The following SPPL2B variants were observed in gnomAD, a reference collection of about 807,000 sequenced individuals.
SPPL2B encodes signal peptide peptidase like 2B.
SPPL2B carries 39 observed loss-of-function variants against 59.7 expected under a neutral mutation model. The ratio of observed to expected loss-of-function variants is 0.65; its 90% confidence interval spans 0.51 to 0.85. SPPL2B has a LOEUF of 0.85. Among genes scored for constraint, SPPL2B ranks in the 40% least tolerant of loss-of-function variants. The probability of loss-of-function intolerance (pLI) is 0.00; values close to 1 mark genes in which losing one functional copy is unlikely to be tolerated. For synonymous variants in SPPL2B, 419 were observed against 370.8 expected (o/e 1.13, Z -1.49); for missense variants, 865 against 849.0 (o/e 1.02, Z -0.23).
At position 2,347,397 on chromosome 19, in the gene SPPL2B, C is replaced by A. The variant is rs1357932351; in HGVS notation, c.1354+2067C>A. On this transcript the variant is annotated intron_variant, in intron 13 of 14. Coordinates refer to ENST00000613503, the MANE Select transcript of SPPL2B (RefSeq NM_152988.3). ...ATTCGCCTGATTCCGTTCTCTCTCTCCACACACGCGCTCTCATTCGCCTGA... is the reference window on the plus strand; with the variant it reads ...ATTCGCCTGATTCCGTTCTCTCTCTACACACACGCGCTCTCATTCGCCTGA... Among the ~76,000 whole-genome samples the A allele has an allele frequency of 7.0e-3, 35 of 5,022 alleles. 6 individuals are homozygous for A. Among genetic ancestry groups the A allele is most frequent in the South Asian group, 0.025 (2 of 80 alleles). The allele number at this position is 5,022 out of a possible 152,430, so 3.3% of individuals were successfully genotyped here.
rs112548971 is a variant in SPPL2B, at chr19:2,329,064, C to T, written c.66+289C>T. ...CCCTCCATCCTCCGGTTCTGCTTCT[C>T]CGTTTCGGGGTCTCCAGTTGCCGCC... is the stretch of plus-strand genomic sequence containing the variant. On this transcript the variant is annotated intron_variant, in intron 1 of 14. Coordinates refer to ENST00000613503, the MANE Select transcript of SPPL2B (RefSeq NM_152988.3). Among the ~76,000 whole-genome samples the T allele has an allele frequency of 4.0e-3, 612 of 152,390 alleles. 7 individuals carry two copies. The highest frequency in any genetic ancestry group is 0.014 in the African/African-American group (578 of 41,596).
chr19:2,345,111 C>G (rs1443507050), intron 12 of SPPL2B, 142 bp from the exon 13 acceptor site: 6 of 643,900 alleles, frequency 9.3e-6, no homozygotes, highest in Admixed American at 2.6e-5. Flanking sequence ...GAGCGTGTGG[C>G]CTGTCTGTGA....
In SPPL2B at chr19:2,351,538, G is replaced by A. The variant is rs375529854; in HGVS notation, c.1459G>A (p.Ala487Thr). Residue 487 changes from alanine (A) to threonine (T), a missense_variant, in exon 14 of 15, where the codon GCT (alanine) becomes ACT (threonine). Transcript: ENST00000613503. ...GCCCTGCACGCTGGTGACGAGCTGC[G>A]CTGTGGCGCTCTGGCGCCGGGAGCT... The part of the protein sequence containing the change: ...LVPCTLVTSC[A>T]VALWRRELGV... 4.7e-5 allele frequency: 75 copies of A among 1,611,328 alleles called. 1 individual carries two copies. The highest frequency in any genetic ancestry group is 5.7e-5 in the Non-Finnish European group (67 of 1,179,448).
rs146113626 is a variant in SPPL2B at position 2,332,538 on chromosome 19, C to T, written c.67-2064C>T. 4.9e-4 allele frequency among the ~76,000 whole-genome samples: 74 copies of T among 152,344 alleles called. No individual in the cohort carries two copies. Among genetic ancestry groups the T allele is most frequent in the African/African-American group, 1.4e-3 (60 of 41,576 alleles). On this transcript the variant is annotated intron_variant, in intron 1 of 14. Transcript: ENST00000613503. The surrounding 1 kb of genome is among the most constrained non-coding windows in gnomAD (Gnocchi z 4.6). ...GGCTGCCATCCTGTTCCTGATGAGG[C>T]AAATGGCTGTGGCCTGTTTGTTTCC...
At position 2,352,959 on chromosome 19, in the gene SPPL2B, C is replaced by T; in HGVS notation, c.1529C>T (p.Pro510Leu). Residue 510 changes from proline to leucine, a missense_variant, in exon 15 of 15, where the codon CCA becomes CTA. Transcript: ENST00000613503. Reference protein sequence around the residue: ...TGSGFAKVLPPSPWAPAPADG... With the variant: ...TGSGFAKVLPLSPWAPAPADG... Reference sequence around the variant, plus strand: ...CTTCTCCTGTAGAAAGTCCTACCTCCATCTCCGTGGGCCCCAGCACCAGCC... The same window carrying T: ...CTTCTCCTGTAGAAAGTCCTACCTCTATCTCCGTGGGCCCCAGCACCAGCC... 2 of 1,612,146 alleles carry T rather than the reference C, an allele frequency of 1.2e-6. No homozygotes were observed. Among genetic ancestry groups the T allele is most frequent in the Non-Finnish European group, 8.5e-7 (1 of 1,179,694 alleles).
rs867089993 is a variant in SPPL2B at position 2,344,185 on chromosome 19, C to A, written c.1113+146C>A. 9 of 538,052 alleles carry A rather than the reference C, an allele frequency of 1.7e-5. No homozygotes were observed. In the Admixed American group the frequency reaches 2.3e-4, roughly 14 times the overall value. 33.3% of individuals were successfully genotyped at this position (538,052 alleles called of 1,614,324 possible). On this transcript the variant is annotated intron_variant, in intron 10 of 14. Coordinates refer to ENST00000613503, the MANE Select transcript of SPPL2B (RefSeq NM_152988.3). ...CCCCACACCGTGCTCCCCTGCCCCCCACCCCATCACCCCGCTCACCTCCAC... is the reference window on the plus strand; with the variant it reads ...CCCCACACCGTGCTCCCCTGCCCCCAACCCCATCACCCCGCTCACCTCCAC...
chr19:2,344,031 C>T lies in SPPL2B; in HGVS notation c.1105C>T (p.Leu369=), dbSNP rs1407570546. 2 of 1,547,708 alleles carry T rather than the reference C, an allele frequency of 1.3e-6. No homozygotes were observed. Among genetic ancestry groups the T allele is most frequent in the Non-Finnish European group, 1.7e-6 (2 of 1,146,366 alleles). The change falls in exon 10 of 15, where the codon CTG becomes TTG. Residue 369 remains leucine (L), a synonymous_variant. Coordinates refer to ENST00000613503, the MANE Select transcript of SPPL2B (RefSeq NM_152988.3). The part of the protein sequence containing the change: ...DIFFVFITPF[L]TKSGSSIMVE... ...CTTCTTCGTGTTCATCACGCCCTTCCTGACCAAGGTAGGCGACTGCCTGTC... is the reference window on the plus strand; with the variant it reads ...CTTCTTCGTGTTCATCACGCCCTTCTTGACCAAGGTAGGCGACTGCCTGTC...
In SPPL2B at chr19:2,352,936, T is replaced by G; in HGVS notation, c.1516-10T>G. 4 of 1,611,580 alleles carry G rather than the reference T, an allele frequency of 2.5e-6. No homozygotes were observed. The highest frequency in any genetic ancestry group is 3.4e-6 in the Non-Finnish European group (4 of 1,179,468). On this transcript the variant is annotated splice_polypyrimidine_tract_variant and intron_variant, in intron 14 of 14. Coordinates refer to ENST00000613503, the MANE Select transcript of SPPL2B (RefSeq NM_152988.3). Reference sequence around the variant, plus strand: ...GTCTCCGCCTCACCTCTGCCTCCCTTCTCCTGTAGAAAGTCCTACCTCCAT... The same window carrying G: ...GTCTCCGCCTCACCTCTGCCTCCCTGCTCCTGTAGAAAGTCCTACCTCCAT...
intron 1 of SPPL2B, among the ~76,000 whole-genome samples, chr19:2,331,014 G>A (rs1968260022): frequency 6.6e-6 from 1 of 152,200 alleles, no homozygotes; most frequent in Admixed American, 6.5e-5. Context: ...TTGCTCTCAG[G>A]GCAGGAGCCT....
chr19:2,348,258 T>A lies in SPPL2B; in HGVS notation c.1354+2928T>A, dbSNP rs867513419. On this transcript the variant is annotated intron_variant, in intron 13 of 14. Transcript: ENST00000613503. ...GATTCCGTTCTCTCTCCACACACACTCACGCACTCTTATTCGCCTGATTCC... is the reference window on the plus strand; with the variant it reads ...GATTCCGTTCTCTCTCCACACACACACACGCACTCTTATTCGCCTGATTCC... Among the ~76,000 whole-genome samples, 179 of 81,636 alleles carry A rather than the reference T, an allele frequency of 2.2e-3. 1 individual carries two copies. Among genetic ancestry groups the A allele is most frequent in the African/African-American group, 8.2e-3 (166 of 20,226 alleles). 53.6% of individuals were successfully genotyped at this position (81,636 alleles called of 152,430 possible).
intron 1 of SPPL2B, among the ~76,000 whole-genome samples, chr19:2,331,315 T>C (rs1968281127): frequency 6.6e-6 from 1 of 152,258 alleles, no homozygotes; most frequent in Admixed American, 6.5e-5. Flanking sequence ...TAGTAGTTTC[T>C]GAACCTGTGT....
intron 13 of SPPL2B, among the ~76,000 whole-genome samples, chr19:2,347,167 T>TCC (rs745836985): frequency 2.6e-4 from 38 of 145,880 alleles, no homozygotes; most frequent in African/African-American, 8.1e-4. Flanking sequence ...TTCCGTTCTC[T>TCC]CTCCACACAC....
At chr19:2,346,456 A>C (rs1969377184) in intron 13 of SPPL2B, among the ~76,000 whole-genome samples, 1 of 152,232 alleles carries the variant, frequency 6.6e-6, no homozygotes, top group East Asian at 1.9e-4. Context: ...GCTTGAGTCC[A>C]GGAGTTCAAG....
chr19:2,343,672 G>A (rs1231146027), intron 9 of SPPL2B, among the ~76,000 whole-genome samples: 1 of 152,144 alleles, frequency 6.6e-6, no homozygotes, highest in Non-Finnish European at 1.5e-5. Context: ...GCATTTGAAT[G>A]CCCAGGATGG....
At chr19:2,349,604 TTC>T (rs199822587) in intron 13 of SPPL2B, among the ~76,000 whole-genome samples, 15 of 12,672 alleles carry the variant, frequency 1.2e-3, no homozygotes, top group East Asian at 3.2e-3. Flanking sequence ...CTTGATTCCG[TTC>T]TCTCTCTCCA....
intron 4 of SPPL2B, 98 bp from the exon 5 acceptor site, chr19:2,338,971 C>T: frequency 1.3e-6 from 2 of 1,497,274 alleles, no homozygotes; most frequent in Non-Finnish European, 1.8e-6. Flanking sequence ...CCCTGCAGGC[C>T]AGGGTCTCCA....
chr19:2,339,077 C>T lies in SPPL2B; in HGVS notation c.468C>T (p.Gly156=). ...TGTGTTCCTTGAGGCAGCGTTTCGG[C>T]CGCACGGTGAGGGCGGCGCTGTATG... ...KDMLDIFTRF[G]RTVRAALYAP... The change falls in exon 5 of 15, where the codon GGC becomes GGT. Residue 156 remains glycine, a synonymous_variant. Coordinates refer to ENST00000613503, the MANE Select transcript of SPPL2B (RefSeq NM_152988.3). The T allele has an allele frequency of 6.4e-7, 1 of 1,557,848 alleles. No individual in the cohort carries two copies. The highest frequency in any genetic ancestry group is 1.2e-5 in the South Asian group (1 of 84,906).
chr19:2,353,318 G>A lies in SPPL2B; in HGVS notation c.*109G>A, dbSNP rs1970035759. 1 of 1,327,036 alleles carries A rather than the reference G, an allele frequency of 7.5e-7. No homozygotes were observed. The highest frequency in any genetic ancestry group is 1.0e-6 in the Non-Finnish European group (1 of 996,794). 82.2% of individuals were successfully genotyped at this position (1,327,036 alleles called of 1,614,324 possible). A position where few individuals can be genotyped will look rare whatever the true frequency, so the allele number is the denominator to read the frequency against. On this transcript the variant is annotated 3_prime_UTR_variant, in exon 15 of 15. Transcript: ENST00000613503. ...CGCCTGTCCCCCGGGACCGAGGCCT[G>A]TGCCGTCCCCACCCGCCCCAACATG...
chr19:2,346,547 G>A (rs1298344230), intron 13 of SPPL2B, among the ~76,000 whole-genome samples: 1 of 152,122 alleles, frequency 6.6e-6, no homozygotes, highest in Non-Finnish European at 1.5e-5. Context: ...TGTGCCTGTA[G>A]CCCCAGCTAC....
Sources: gnomAD v4.1 joint callset for allele counts (sites outside exome capture counted in the v4.1 genomes callset) on GRCh38, gnomAD v4.1.1 for gene constraint, Gnocchi (gnomAD v3.1) non-coding constraint, MANE v1.5 for transcripts, NCBI Gene and HGNC (gene_info 2026-07-23, HGNC 2026-07-21) for gene names.